The following NR1H4 variants were observed in gnomAD, a reference collection of about 807,000 sequenced individuals.
NR1H4 encodes the protein nuclear receptor subfamily 1 group H member 4, also known as bile acid receptor.
In NR1H4, 23 loss-of-function variants were observed where a neutral mutation model predicts 58.5. The observed-to-expected ratio is 0.39, with a 90% CI of 0.28 to 0.56. The LOEUF is 0.56. NR1H4 is among the 20% of genes least tolerant of loss of function. The pLI is 0.58. For synonymous variants in NR1H4, 214 were observed against 198.0 expected (o/e 1.08, Z -0.68); for missense variants, 487 against 576.9 (o/e 0.84, Z 1.60).
chr12:100,534,425 G>A (rs1222863889), intron 5 of NR1H4, among the ~76,000 whole-genome samples: 2 of 152,128 alleles, frequency 1.3e-5, no homozygotes, highest in Non-Finnish European at 2.9e-5. Context: ...GGTACAGTAT[G>A]TAAACATGGA....
chr12:100,483,446 T>C (rs574682317), intron 1 of NR1H4, among the ~76,000 whole-genome samples: 2 of 152,316 alleles, frequency 1.3e-5, no homozygotes, highest in Non-Finnish European at 2.9e-5. Context: ...ATAAAAATTG[T>C]TTGGTTCTTA....
Position 100,493,845 on chromosome 12 carries a change from G to A in NR1H4, c.79+443G>A, listed in dbSNP as rs548900074. 1.8e-4 allele frequency among the ~76,000 whole-genome samples: 27 copies of A among 152,246 alleles called. No homozygotes were observed. The South Asian group carries it at 5.4e-3, about 30-fold the overall frequency. On this transcript the variant is annotated intron_variant, in intron 3 of 10. Transcript: ENST00000392986. ...TTCCTCCGGTGCTGGGGGATCTATG[G>A]CACAGTGTCAGGATTAGTCATTTAA...
At chr12:100,508,728 T>A (rs1279973866) in intron 3 of NR1H4, among the ~76,000 whole-genome samples, 2 of 152,118 alleles carry the variant, frequency 1.3e-5, no homozygotes, top group African/African-American at 4.8e-5. Context: ...GTAATAGTAA[T>A]CATAATAATT....
chr12:100,536,491 T>C, intron 6 of NR1H4, 21 bp from the exon 7 acceptor site: 1 of 1,450,654 alleles, frequency 6.9e-7, no homozygotes. Context: ...CCTAACACCT[T>C]TTATTTTCTT....
intron 1 of NR1H4, among the ~76,000 whole-genome samples, chr12:100,487,595 C>CTTCTTCT (rs1555330922): frequency 8.6e-6 from 1 of 115,984 alleles, no homozygotes; most frequent in Non-Finnish European, 1.7e-5. Flanking sequence ...TCTTCTTCTT[C>CTTCTTCT]TTTTTTTTTT....
In NR1H4 at chr12:100,534,981, T is replaced by C. The variant is rs1396577823; in HGVS notation, c.690T>C (p.Gly230=). Residue 230 remains glycine (G), a synonymous_variant, in exon 6 of 11, where the codon GGT becomes GGC. Coordinates refer to ENST00000392986, the MANE Select transcript of NR1H4 (RefSeq NM_001206979.2). The part of the protein sequence containing the change: ...ADQTVNEDSE[G]RDLRQVTSTT... ...AGACCGTGAATGAAGACAGTGAAGG[T>C]CGTGACTTGCGACAAGTGACCTCGA... The C allele has an allele frequency of 3.7e-6, 6 of 1,614,170 alleles. No homozygotes were observed. Among genetic ancestry groups the C allele is most frequent in the Non-Finnish European group, 5.1e-6 (6 of 1,180,024 alleles).
chr12:100,544,392 A>G (rs1955010812), intron 9 of NR1H4, among the ~76,000 whole-genome samples: 1 of 151,964 alleles, frequency 6.6e-6, no homozygotes, highest in South Asian at 2.1e-4. Context: ...TGTTTGGTTT[A>G]TTCATCAAGA....
At chr12:100,484,225 C>T (rs1244147852) in intron 1 of NR1H4, among the ~76,000 whole-genome samples, 3 of 152,080 alleles carry the variant, frequency 2.0e-5, no homozygotes, top group Non-Finnish European at 2.9e-5. Flanking sequence ...TGCATGTAAT[C>T]GGTTTTTATC....
intron 4 of NR1H4, among the ~76,000 whole-genome samples, chr12:100,518,207 AG>A (rs143126504): frequency 2.6e-5 from 4 of 152,322 alleles, no homozygotes; most frequent in Non-Finnish European, 5.9e-5. Flanking sequence ...CAGGGTAAAT[AG>A]AGTGAGACCA....
At chr12:100,555,244 A>G (rs957696925) in intron 9 of NR1H4, among the ~76,000 whole-genome samples, 1 of 152,234 alleles carries the variant, frequency 6.6e-6, no homozygotes, top group African/African-American at 2.4e-5. Context: ...ATTTAATGGC[A>G]TAGCCATAAA....
Position 100,532,545 on chromosome 12 carries a change from A to G in NR1H4, c.533A>G (p.Lys178Arg), listed in dbSNP as rs1257932530. The G allele has an allele frequency of 2.5e-6, 4 of 1,614,068 alleles. No individual in the cohort carries two copies. Among genetic ancestry groups the G allele is most frequent in the Admixed American group, 1.7e-5 (1 of 60,010 alleles). ...NCVMDMYMRR[K>R]CQECRLRKCK... is the part of the protein sequence containing the mutation. ...GTGATGGATATGTACATGCGAAGAA[A>G]GTGTCAAGAGTGTCGACTAAGGAAA... is the stretch of plus-strand genomic sequence containing the variant. The change falls in exon 5 of 11, where the codon AAG (lysine) becomes AGG (arginine). Residue 178 changes from lysine (K) to arginine (R), a missense_variant. Coordinates refer to ENST00000392986, the MANE Select transcript of NR1H4 (RefSeq NM_001206979.2).
intron 1 of NR1H4, among the ~76,000 whole-genome samples, chr12:100,481,422 C>T (rs933912957): frequency 6.6e-5 from 10 of 152,190 alleles, no homozygotes; most frequent in Non-Finnish European, 1.0e-4. Context: ...AACAACAAAA[C>T]TATTCCTGGT....
chr12:100,541,724 G>T (rs1032554425), intron 9 of NR1H4, among the ~76,000 whole-genome samples: 1 of 151,472 alleles, frequency 6.6e-6, no homozygotes, highest in Non-Finnish European at 1.5e-5. Flanking sequence ...AGCTTCCCAA[G>T]TAGCTGGGAC....
At chr12:100,532,681 A>G in intron 5 of NR1H4, 71 bp downstream of exon 5, 3 of 1,376,068 alleles carry the variant, frequency 2.2e-6, no homozygotes, top group Non-Finnish European at 2.1e-6. Context: ...ACTCATCACG[A>G]GAGTGCTACT....
intron 3 of NR1H4, 32 bp from the exon 4 acceptor site, chr12:100,510,746 T>C (rs1358203511): frequency 1.9e-6 from 3 of 1,612,928 alleles, no homozygotes; most frequent in Non-Finnish European, 2.5e-6. Flanking sequence ...AATGATGACA[T>C]TCATTCCAGT....
At chr12:100,517,279 G>A (rs1295509970) in intron 4 of NR1H4, among the ~76,000 whole-genome samples, 3 of 152,104 alleles carry the variant, frequency 2.0e-5, no homozygotes, top group Admixed American at 6.5e-5. Context: ...GAGATCATAT[G>A]GTATTTGTCT....
intron 9 of NR1H4, among the ~76,000 whole-genome samples, chr12:100,552,273 C>G (rs1312114058): frequency 6.6e-6 from 1 of 152,148 alleles, no homozygotes; most frequent in Non-Finnish European, 1.5e-5. Context: ...GCCACTAGGA[C>G]TAATGGGAAG....
At chr12:100,552,729 C>A (rs904299779) in intron 9 of NR1H4, among the ~76,000 whole-genome samples, 17 of 152,066 alleles carry the variant, frequency 1.1e-4, no homozygotes, top group African/African-American at 4.1e-4. Flanking sequence ...TCGAGACCGG[C>A]CTAGAATACA....
At chr12:100,561,006 G>C (rs1372992043) in intron 9 of NR1H4, among the ~76,000 whole-genome samples, 1 of 152,138 alleles carries the variant, frequency 6.6e-6, no homozygotes, top group African/African-American at 2.4e-5. Flanking sequence ...TGGTGTCTTT[G>C]ATTTTGGACA....
Sources: allele counts gnomAD v4.1 joint callset (sites outside exome capture counted in the v4.1 genomes callset), GRCh38; gene constraint gnomAD v4.1.1; transcripts MANE v1.5; gene names NCBI Gene and HGNC (gene_info 2026-07-23, HGNC 2026-07-21).